LCA5: variants seen among roughly 807,000 people sequenced by gnomAD.
LCA5 encodes lebercilin LCA5.
In LCA5, 37 loss-of-function variants were observed where a neutral mutation model predicts 53.0. The ratio of observed to expected loss-of-function variants is 0.70; its 90% confidence interval spans 0.54 to 0.92. The LOEUF is 0.92. LCA5 is among the 40% of genes least tolerant of loss of function. LCA5 has a pLI of 0.00. For missense variants in LCA5, 806 were observed against 790.5 expected (o/e 1.02, Z -0.23); for synonymous variants, 303 against 282.9 (o/e 1.07, Z -0.71).
intron 6 of LCA5, among the ~76,000 whole-genome samples, chr6:79,490,948 G>C (rs1173642039): frequency 6.6e-6 from 1 of 151,746 alleles, no homozygotes; most frequent in Non-Finnish European, 1.5e-5. Flanking sequence ...GAGACCCCTT[G>C]AATTCCACTC....
Position 79,487,559 on chromosome 6 carries a change from T to G in LCA5, c.1539A>C (p.Glu513Asp), listed in dbSNP as rs1356917267. The G allele has an allele frequency of 6.2e-7, 1 of 1,613,506 alleles. No homozygotes were observed. The highest frequency in any genetic ancestry group is 2.2e-5 in the East Asian group (1 of 44,862). ...ERSPKTYRFS[E>D]SSERLFNGHH... ...GCCCATTAAATAATCTCTCTGAGGA[T>G]TCAGAGAACCTGTATGTTTTGGGGC... The change falls in exon 8 of 8, where the codon GAA (glutamate) becomes GAC (aspartate). Residue 513 changes from glutamate (E) to aspartate (D), a missense_variant. Transcript: ENST00000369846.
intron 2 of LCA5, 73 bp downstream of exon 2, chr6:79,518,632 A>G: frequency 7.5e-7 from 1 of 1,325,676 alleles, no homozygotes; most frequent in East Asian, 2.3e-5. Context: ...AAAGAGTATC[A>G]TGCACACACA....
intron 5 of LCA5, 31 bp downstream of exon 5, chr6:79,492,520 A>G (rs1310915931): frequency 9.7e-7 from 1 of 1,035,404 alleles, no homozygotes; most frequent in Non-Finnish European, 1.5e-6. Flanking sequence ...TAGCAATAAT[A>G]TCAGTTTTTG....
At chr6:79,530,399 G>A (rs1470043742) in intron 1 of LCA5, among the ~76,000 whole-genome samples, 4 of 152,124 alleles carry the variant, frequency 2.6e-5, no homozygotes, top group African/African-American at 7.2e-5. Flanking sequence ...GAAAAATAAC[G>A]AATAGGTACT....
chr6:79,503,267 G>C (rs921189728), intron 3 of LCA5, among the ~76,000 whole-genome samples: 3 of 152,196 alleles, frequency 2.0e-5, no homozygotes, highest in African/African-American at 4.8e-5. Context: ...AGTTGGACTA[G>C]AGAGTTCCCC....
chr6:79,514,059 T>G (rs983749122), intron 2 of LCA5, among the ~76,000 whole-genome samples: 1 of 152,184 alleles, frequency 6.6e-6, no homozygotes, highest in South Asian at 2.1e-4. Context: ...AATTCAAACA[T>G]GAGCATTATC....
chr6:79,504,347 T>C (rs1394916834), intron 3 of LCA5, among the ~76,000 whole-genome samples: 1 of 152,216 alleles, frequency 6.6e-6, no homozygotes, highest in Non-Finnish European at 1.5e-5. Context: ...TTAGACACAT[T>C]AGCAGAGTTT....
rs148654442 is a variant in LCA5, at chr6:79,502,115, G to A, written c.721-8365C>T. Among the ~76,000 whole-genome samples, 7 of 152,146 alleles carry A rather than the reference G, an allele frequency of 4.6e-5. No individual in the cohort carries two copies. In the East Asian group the frequency reaches 9.6e-4, roughly 21 times the overall value. On this transcript the variant is annotated intron_variant, in intron 3 of 7. Coordinates refer to ENST00000369846, the MANE Select transcript of LCA5 (RefSeq NM_001122769.3). ...TCTAACACCTACCTCTGTTTACCTC[G>A]GAAAACACTGGTATTTGCCTTTTTT...
At chr6:79,504,147 T>TAAA (rs1427049230) in intron 3 of LCA5, among the ~76,000 whole-genome samples, 2 of 152,200 alleles carry the variant, frequency 1.3e-5, no homozygotes, top group African/African-American at 4.8e-5. Context: ...TACCACTCTT[T>TAAA]AGAGTCCTGA....
chr6:79,489,070 A>C lies in LCA5; in HGVS notation c.1231+14T>G. 1 of 1,612,014 alleles carries C rather than the reference A, an allele frequency of 6.2e-7. No homozygotes were observed. The highest frequency in any genetic ancestry group is 1.1e-5 in the South Asian group (1 of 91,024). ...GCTGACTTGTCACATGCTTAAACAA[A>C]CTCTTTTTCTTACCATCCTCCAGCT... On this transcript the variant is annotated intron_variant, in intron 7 of 7. Transcript: ENST00000369846.
chr6:79,509,809 A>G (rs2127677687), intron 3 of LCA5, among the ~76,000 whole-genome samples: 1 of 152,330 alleles, frequency 6.6e-6, no homozygotes, highest in Middle Eastern at 3.4e-3. Flanking sequence ...ACATATACAG[A>G]TTTGTATCCT....
At chr6:79,531,441 T>G (rs1766956899) in intron 1 of LCA5, among the ~76,000 whole-genome samples, 1 of 152,106 alleles carries the variant, frequency 6.6e-6, no homozygotes, top group Non-Finnish European at 1.5e-5. Flanking sequence ...CAACCCAATT[T>G]CTCCACTCCA....
chr6:79,498,328 A>C (rs1325324572), intron 3 of LCA5, among the ~76,000 whole-genome samples: 1 of 152,124 alleles, frequency 6.6e-6, no homozygotes, highest in Admixed American at 6.6e-5. Context: ...TCAGATTTGC[A>C]ATTCTCTGTA....
chr6:79,498,285 G>A (rs188117739), intron 3 of LCA5, among the ~76,000 whole-genome samples: 3 of 152,148 alleles, frequency 2.0e-5, no homozygotes, highest in African/African-American at 7.2e-5. Flanking sequence ...ACGAATCTGG[G>A]TAAACTGTAT....
At chr6:79,501,322 C>A (rs1235587655) in intron 3 of LCA5, among the ~76,000 whole-genome samples, 1 of 151,996 alleles carries the variant, frequency 6.6e-6, no homozygotes, top group Non-Finnish European at 1.5e-5. Context: ...TTAAGAAACA[C>A]TAATTTTATG....
chr6:79,517,610 A>C (rs1766476903), intron 2 of LCA5, among the ~76,000 whole-genome samples: 1 of 152,154 alleles, frequency 6.6e-6, no homozygotes, highest in South Asian at 2.1e-4. Flanking sequence ...ACAAAAAAAG[A>C]AAAAGAAAAA....
chr6:79,499,240 TG>T (rs1305754109), intron 3 of LCA5, among the ~76,000 whole-genome samples: 2 of 152,110 alleles, frequency 1.3e-5, no homozygotes, highest in African/African-American at 4.8e-5. Context: ...AGAATGAGAA[TG>T]TTTTCATTTT....
intron 2 of LCA5, 49 bp from the exon 3 acceptor site, chr6:79,513,790 G>T: frequency 1.3e-6 from 2 of 1,565,474 alleles, no homozygotes; most frequent in Non-Finnish European, 1.8e-6. Flanking sequence ...ACCAAACACA[G>T]TGTTATTTGT....
rs2292109 is a variant in LCA5 at position 79,486,781 on chromosome 6, T to A, written c.*223A>T. On this transcript the variant is annotated 3_prime_UTR_variant, in exon 8 of 8. Coordinates refer to ENST00000369846, the MANE Select transcript of LCA5 (RefSeq NM_001122769.3). The stretch of plus-strand genomic sequence containing the variant: ...AAAATCTATTTCATTTTTCAAGACA[T>A]ATTTTTATTTTTGGTTTCATTCAAA... The A allele has an allele frequency of 8.8e-6, 4 of 454,100 alleles. No homozygotes were observed. The highest frequency in any genetic ancestry group is 1.5e-5 in the Non-Finnish European group (4 of 260,406). 28.1% of individuals were successfully genotyped at this position (454,100 alleles called of 1,614,324 possible).
Sources: gnomAD v4.1 joint callset for allele counts (sites outside exome capture counted in the v4.1 genomes callset) on GRCh38, gnomAD v4.1.1 for gene constraint, MANE v1.5 for transcripts, NCBI Gene and HGNC (gene_info 2026-07-23, HGNC 2026-07-21) for gene names.